Variants in RAD51B observed in about 807,000 individuals in gnomAD.
RAD51B encodes the protein DNA repair protein RAD51 homolog 2.
A neutral mutation model predicts 42.2 loss-of-function variants in RAD51B; 38 were observed. The observed-to-expected ratio is 0.90, with a 90% CI of 0.70 to 1.18. The LOEUF (loss-of-function observed/expected upper bound fraction) is 1.18. Among genes scored for constraint, RAD51B ranks in the 50% most tolerant of loss-of-function variants. The pLI, the probability that RAD51B is intolerant of heterozygous loss-of-function variation, is 0.00. For missense variants in RAD51B, 373 were observed against 400.7 expected, an observed-to-expected ratio of 0.93 and a Z score of 0.59; for synonymous variants, 154 against 145.2, an observed-to-expected ratio of 1.06 and a Z score of -0.43.
At chr14:68,011,586 A>G (rs1261880953) in intron 7 of RAD51B, among the ~76,000 whole-genome samples, 2 of 152,082 alleles carry the variant, frequency 1.3e-5, no homozygotes, top group Non-Finnish European at 2.9e-5. Context: ...GCTTTGAGGA[A>G]ACAGAAAAAC....
chr14:68,403,915 G>T (rs937581988), intron 8 of RAD51B, among the ~76,000 whole-genome samples: 2 of 152,136 alleles, frequency 1.3e-5, no homozygotes, highest in Non-Finnish European at 2.9e-5. Flanking sequence ...GGGTCATCAA[G>T]AACCTCTGGT....
At chr14:67,829,522 G>A (rs917266782) in intron 3 of RAD51B, among the ~76,000 whole-genome samples, 7 of 152,120 alleles carry the variant, frequency 4.6e-5, no homozygotes, top group Non-Finnish European at 5.9e-5. Context: ...GATTACAGGC[G>A]TGAGCCACTG....
intron 1 of RAD51B, among the ~76,000 whole-genome samples, chr14:67,820,268 C>T (rs1594950982): frequency 6.6e-6 from 1 of 152,146 alleles, no homozygotes; most frequent in East Asian, 1.9e-4. Context: ...GAGCTTCACA[C>T]CAATTGTCAG....
At chr14:68,668,427 C>A (rs74340839) in intron 11 of RAD51B, among the ~76,000 whole-genome samples, 1 of 152,238 alleles carries the variant, frequency 6.6e-6, no homozygotes, top group African/African-American at 2.4e-5. Flanking sequence ...ACTTCCCGGC[C>A]TCCCCTGCCG....
At chr14:68,219,950 A>G (rs1228151314) in intron 7 of RAD51B, among the ~76,000 whole-genome samples, 1 of 152,200 alleles carries the variant, frequency 6.6e-6, no homozygotes, top group Non-Finnish European at 1.5e-5. Context: ...AAAACATGAT[A>G]CAGGATATGA....
intron 7 of RAD51B, among the ~76,000 whole-genome samples, chr14:67,920,998 C>G (rs906938828): frequency 1.3e-5 from 2 of 152,016 alleles, no homozygotes; most frequent in African/African-American, 4.8e-5. Flanking sequence ...TGGGGAAGAC[C>G]GGGGAAACAT....
chr14:68,307,122 G>C (rs1273073569), intron 8 of RAD51B, among the ~76,000 whole-genome samples: 1 of 152,002 alleles, frequency 6.6e-6, no homozygotes, highest in Admixed American at 6.5e-5. Context: ...TTTTCCTCCA[G>C]GCAGGTGCAC....
intron 10 of RAD51B, among the ~76,000 whole-genome samples, chr14:68,586,839 C>T (rs1048242634): frequency 5.3e-5 from 8 of 151,958 alleles, no homozygotes; most frequent in Non-Finnish European, 1.0e-4. Flanking sequence ...ACCCCATCTC[C>T]ACTAAAAATA....
intron 10 of RAD51B, chr14:68,563,795 G>A (rs543046684): frequency 9.1e-6 from 9 of 985,308 alleles, no homozygotes; most frequent in East Asian, 1.1e-4. Context: ...CGTAAGAAAC[G>A]ACAGCTCGGT....
At chr14:68,084,855 A>T (rs965872002) in intron 7 of RAD51B, among the ~76,000 whole-genome samples, 3 of 152,244 alleles carry the variant, frequency 2.0e-5, no homozygotes, top group Non-Finnish European at 4.4e-5. Flanking sequence ...TATGTTAAAA[A>T]AAATCCGTGG....
chr14:67,880,972 C>G (rs1244217444), intron 5 of RAD51B, among the ~76,000 whole-genome samples: 2 of 152,120 alleles, frequency 1.3e-5, no homozygotes, highest in Admixed American at 1.3e-4. Flanking sequence ...TATGAACACC[C>G]TACAGTGTAC....
At chr14:68,654,189 G>A (rs753236088) in intron 11 of RAD51B, among the ~76,000 whole-genome samples, 10 of 152,234 alleles carry the variant, frequency 6.6e-5, no homozygotes, top group Non-Finnish European at 1.3e-4. Flanking sequence ...GAGGCAGAAC[G>A]TGCAGGATAT....
intron 7 of RAD51B, among the ~76,000 whole-genome samples, chr14:68,017,340 C>G (rs1038572627): frequency 6.6e-6 from 1 of 151,902 alleles, no homozygotes; most frequent in Non-Finnish European, 1.5e-5. Context: ...GAACTACAGG[C>G]ACGTGCCACC....
chr14:68,428,760 T>C, intron 9 of RAD51B, among the ~76,000 whole-genome samples: 1 of 103,240 alleles, frequency 9.7e-6, no homozygotes, highest in South Asian at 2.9e-4. Flanking sequence ...TATATATATA[T>C]ATATAATTAT....
At position 68,454,619 on chromosome 14, in the gene RAD51B, A is replaced by G. The variant is rs185992205; in HGVS notation, c.958-13553A>G. Among the ~76,000 whole-genome samples, 11 of 152,292 alleles carry G rather than the reference A, an allele frequency of 7.2e-5. 1 individual carries two copies. The highest frequency in any genetic ancestry group is 7.2e-4 in the Admixed American group (11 of 15,298). ...AGGTTTGGAGCACCTTAAAAACCCC[A>G]TCCCAGAGAATTGCTATTATTTGAC... On this transcript the variant is annotated intron_variant, in intron 9 of 10. Coordinates refer to ENST00000471583, the MANE Select transcript of RAD51B (RefSeq NM_133510.4).
intron 8 of RAD51B, among the ~76,000 whole-genome samples, chr14:68,326,423 A>C (rs931289095): frequency 6.6e-6 from 1 of 152,200 alleles, no homozygotes; most frequent in African/African-American, 2.4e-5. Context: ...TCTTACTCAC[A>C]GTGCTATTTG....
chr14:67,962,269 A>G (rs759845404), intron 7 of RAD51B, among the ~76,000 whole-genome samples: 1 of 152,212 alleles, frequency 6.6e-6, no homozygotes, highest in South Asian at 2.1e-4. Flanking sequence ...GACCCAACAA[A>G]TCAAACTAAA....
At chr14:68,670,458 G>A (rs117352104) in intron 11 of RAD51B, among the ~76,000 whole-genome samples, 2 of 152,132 alleles carry the variant, frequency 1.3e-5, no homozygotes, top group Non-Finnish European at 1.5e-5. Flanking sequence ...TTGCTTCTTG[G>A]TCTCATGAAT....
intron 7 of RAD51B, among the ~76,000 whole-genome samples, chr14:68,151,351 G>A (rs943679501): frequency 1.9e-4 from 28 of 151,082 alleles, no homozygotes; most frequent in African/African-American, 4.6e-4. Flanking sequence ...TTTTCTCTTC[G>A]ATTTTGAGAA....
Sources: gnomAD v4.1 joint callset for allele counts (sites outside exome capture counted in the v4.1 genomes callset) on GRCh38, gnomAD v4.1.1 for gene constraint, MANE v1.5 for transcripts, NCBI Gene and HGNC (gene_info 2026-07-23, HGNC 2026-07-21) for gene names.